The following BMP1 variants were observed in gnomAD, a reference collection of about 807,000 sequenced individuals.
BMP1 encodes mammalian tolloid protein.
A neutral mutation model predicts 116.8 loss-of-function variants in BMP1; 63 were observed. The ratio of observed to expected loss-of-function variants is 0.54; its 90% CI spans 0.44 to 0.67. The LOEUF (loss-of-function observed/expected upper bound fraction) is 0.67. BMP1 is among the 30% of genes least tolerant of loss of function. The pLI, the probability that BMP1 is intolerant of heterozygous loss-of-function variation, is 0.00. For missense variants in BMP1, 1,183 were observed against 1,358.9 expected, an observed-to-expected ratio of 0.87 and a Z score of 2.04; for synonymous variants, 536 against 533.4, an observed-to-expected ratio of 1.00 and a Z score of -0.07.
In BMP1 at chr8:22,179,972, C is replaced by T; in HGVS notation, c.961+143C>T. 1.0e-6 allele frequency: 1 copy of T among 997,716 alleles called. No homozygotes were observed. The highest frequency in any genetic ancestry group is 1.4e-6 in the Non-Finnish European group (1 of 696,596). The allele number at this position is 997,716 out of a possible 1,614,324, so 61.8% of individuals were successfully genotyped here. ...GGGGGAGGGGACCCCATAGGAGGGG[C>T]AGTGTCCAAGTGAAGGAGGCCGCTG... On this transcript the variant is annotated intron_variant, in intron 7 of 19. Transcript: ENST00000306385. The surrounding 1 kb of genome is among the most constrained non-coding windows in gnomAD (Gnocchi z 4.6).
At position 22,196,547 on chromosome 8, in the gene BMP1, C is replaced by T. The variant is rs1829096929; in HGVS notation, c.1766-133C>T. On this transcript the variant is annotated intron_variant, in intron 13 of 19. Transcript: ENST00000306385. ...CTCCTCCCGTCCGCCCCAGAGGGACCAGACACAGGTCCCTGAGCCTTGGGG... is the reference window on the plus strand; with the variant it reads ...CTCCTCCCGTCCGCCCCAGAGGGACTAGACACAGGTCCCTGAGCCTTGGGG... The T allele has an allele frequency of 3.6e-6, 5 of 1,394,304 alleles. No individual in the cohort carries two copies. The Admixed American group carries it at 7.0e-5, about 20-fold the overall frequency. The allele number at this position is 1,394,304 out of a possible 1,614,324, so 86.4% of individuals were successfully genotyped here.
chr8:22,188,184 T>G (rs548611882), intron 8 of BMP1, among the ~76,000 whole-genome samples: 112 of 150,102 alleles, frequency 7.5e-4, no homozygotes, highest in East Asian at 3.5e-3. Flanking sequence ...TGGGTTTTTT[T>G]TTTTTTTTTT....
At chr8:22,207,878 A>T (rs28570028) in intron 18 of BMP1, among the ~76,000 whole-genome samples, 120 of 149,052 alleles carry the variant, frequency 8.1e-4, no homozygotes, top group African/African-American at 3.0e-3. Context: ...TTTTATTTTT[A>T]TTTTTATTTA....
In BMP1 at chr8:22,211,675, C is replaced by T; in HGVS notation, c.2908C>T (p.His970Tyr). ...SDDTITKKGF[H>Y]LRYTSTKFQD... is the part of the protein sequence containing the mutation. ...TGACACCATCACCAAAAAAGGTTTC[C>T]ACCTGCGATACACCAGCACCAAGTT... Residue 970 changes from histidine (H) to tyrosine (Y), a missense_variant, in exon 20 of 20, where the codon CAC (histidine) becomes TAC (tyrosine). Physicochemically the swap from His to Tyr is moderately conservative, Grantham distance 83. This residue lies in a region of BMP1 where 956 missense variants were observed against 1,135.2 expected (regional missense o/e 0.84). Coordinates refer to ENST00000306385, the MANE Select transcript of BMP1 (RefSeq NM_006129.5). The T allele has an allele frequency of 1.9e-6, 3 of 1,614,192 alleles. No homozygotes were observed. Among genetic ancestry groups the T allele is most frequent in the Non-Finnish European group, 2.5e-6 (3 of 1,180,018 alleles).
chr8:22,179,832 C>A lies in BMP1; in HGVS notation c.961+3C>A. On this transcript the variant is annotated splice_donor_region_variant and intron_variant, in intron 7 of 19. Transcript: ENST00000306385. This position sits in a 1 kb window ranked among gnomAD's most constrained non-coding sequence, Gnocchi z 4.6. ...CCGCAAGCTTTACAAGTGCCCAGGT[C>A]AGGGCAGAGAAGGGATGGGTGAGGG... is the stretch of plus-strand genomic sequence containing the variant. 6.2e-7 allele frequency: 1 copy of A among 1,612,598 alleles called. No individual in the cohort carries two copies. The highest frequency in any genetic ancestry group is 1.1e-5 in the South Asian group (1 of 90,886).
chr8:22,196,353 C>T (rs562074559), intron 13 of BMP1: 93 of 589,310 alleles, frequency 1.6e-4, no homozygotes, highest in Non-Finnish European at 2.4e-4. Context: ...CTCCCAGGAC[C>T]GCCCCTCCCT....
In BMP1 at chr8:22,197,235, T is replaced by A; in HGVS notation, c.1927-5T>A. On this transcript the variant is annotated splice_polypyrimidine_tract_variant and splice_region_variant and intron_variant, in intron 14 of 19. Transcript: ENST00000306385. ...AGGCGGGCCTGGAGCTGGGCTTCCC[T>A]GCAGGTGTGCAAGTACGACTTCGTG... is the stretch of plus-strand genomic sequence containing the variant. 1 of 1,606,244 alleles carries A rather than the reference T, an allele frequency of 6.2e-7. No homozygotes were observed. Among genetic ancestry groups the A allele is most frequent in the Non-Finnish European group, 8.5e-7 (1 of 1,173,468 alleles).
chr8:22,176,676 A>G, intron 4 of BMP1, 26 bp downstream of exon 4: 1 of 1,609,730 alleles, frequency 6.2e-7, no homozygotes, highest in Non-Finnish European at 8.5e-7. Context: ...TAGGCGCTGT[A>G]CCTTCCGCCA....
At position 22,173,619 on chromosome 8, in the gene BMP1, A is replaced by G. The variant is rs1828344831; in HGVS notation, c.166A>G (p.Ile56Val). ...CTCTTTAGCTGCCTTTCTTGGGGAC[A>G]TTGCCCTGGACGAAGAGGACCTGAG... Reference protein sequence around the residue: ...PCKAAAFLGDIALDEEDLRAF... With the variant: ...PCKAAAFLGDVALDEEDLRAF... Residue 56 changes from isoleucine (I) to valine (V), a missense_variant, in exon 2 of 20, where the codon ATT becomes GTT. By Grantham distance (29) the Ile-to-Val change is conservative. Coordinates refer to ENST00000306385, the MANE Select transcript of BMP1 (RefSeq NM_006129.5). The G allele has an allele frequency of 6.2e-7, 1 of 1,612,118 alleles. No individual in the cohort carries two copies. Among genetic ancestry groups the G allele is most frequent in the African/African-American group, 1.3e-5 (1 of 74,844 alleles).
chr8:22,183,373 G>A (rs905935847), intron 8 of BMP1, among the ~76,000 whole-genome samples: 2 of 152,096 alleles, frequency 1.3e-5, no homozygotes, highest in East Asian at 3.9e-4. Flanking sequence ...CTATGATTAC[G>A]CCACTACACT....
chr8:22,177,849 C>T lies in BMP1; in HGVS notation c.731-3C>T. 1.2e-6 allele frequency: 2 copies of T among 1,602,540 alleles called. No homozygotes were observed. Among genetic ancestry groups the T allele is most frequent in the Non-Finnish European group, 1.7e-6 (2 of 1,171,294 alleles). On this transcript the variant is annotated splice_region_variant and splice_polypyrimidine_tract_variant and intron_variant, in intron 5 of 19. Coordinates refer to ENST00000306385, the MANE Select transcript of BMP1 (RefSeq NM_006129.5). ...CCCCACACCCTTTTCCTGATCTTGG[C>T]AGGGCAGGAGTATAACTTCCTGAAG...
Position 22,201,829 on chromosome 8 carries a change from G to A in BMP1, c.2134G>A (p.Gly712Ser), listed in dbSNP as rs117159093. ...SDKDECSKDN[G>S]GCQQDCVNTF... is the part of the protein sequence containing the mutation. ...CAAGGACGAGTGCTCCAAGGATAACGGCGGCTGCCAGCAGGACTGCGTCAA... is the reference window on the plus strand; with the variant it reads ...CAAGGACGAGTGCTCCAAGGATAACAGCGGCTGCCAGCAGGACTGCGTCAA... Residue 712 changes from glycine (G) to serine (S), a missense_variant, in exon 16 of 20, where the codon GGC (glycine) becomes AGC (serine). Around this residue, in one of 4 missense-constraint regions of BMP1, gnomAD observed 956 missense variants for 1,135.2 expected, o/e 0.84. Coordinates refer to ENST00000306385, the MANE Select transcript of BMP1 (RefSeq NM_006129.5). The A allele has an allele frequency of 1.1e-3, 1,834 of 1,613,154 alleles. 5 individuals are homozygous for A. The highest frequency in any genetic ancestry group is 1.4e-3 in the Non-Finnish European group (1,691 of 1,179,944).
Position 22,206,877 on chromosome 8 carries a change from T to TC in BMP1, c.2259dup (p.Thr754HisfsTer12), listed in dbSNP as rs757519997. ...AGCCGGCTGTGACCACAAGGTGACA[T>TC]CCACCAGTGGTACCATCACCAGCCC... On this transcript the variant is annotated frameshift_variant, in exon 17 of 20. Transcript: ENST00000306385. LOFTEE classifies it high-confidence loss of function. 6.2e-7 allele frequency: 1 copy of TC among 1,614,146 alleles called. No homozygotes were observed. Among genetic ancestry groups the TC allele is most frequent in the Non-Finnish European group, 8.5e-7 (1 of 1,180,004 alleles).
In BMP1 at chr8:22,195,640, C is replaced by T. The variant is rs1829062176; in HGVS notation, c.1765+53C>T. 5 of 1,569,064 alleles carry T rather than the reference C, an allele frequency of 3.2e-6. No homozygotes were observed. The South Asian group carries it at 4.8e-5, about 15-fold the overall frequency. ...CTGTTCTTTCCCTGGCACCAGCCCA[C>T]CTGCCCAGAATTTTTTTTTTTTTTA... On this transcript the variant is annotated intron_variant, in intron 13 of 19. Coordinates refer to ENST00000306385, the MANE Select transcript of BMP1 (RefSeq NM_006129.5).
At position 22,179,218 on chromosome 8, in the gene BMP1, CT is replaced by C. The variant is rs1489833635; in HGVS notation, c.837-484del. On this transcript the variant is annotated intron_variant, in intron 6 of 19. Coordinates refer to ENST00000306385, the MANE Select transcript of BMP1 (RefSeq NM_006129.5). The surrounding 1 kb of genome is among the most constrained non-coding windows in gnomAD (Gnocchi z 4.6). ...TTGGTCTGGCTGCAGTGGAATCTGC[CT>C]TTGGCCTTGTTCCAGGTGCTTTCAG... Among the ~76,000 whole-genome samples the C allele has an allele frequency of 3.9e-5, 6 of 152,368 alleles. No homozygotes were observed. The highest frequency in any genetic ancestry group is 1.2e-4 in the African/African-American group (5 of 41,590).
Position 22,194,952 on chromosome 8 carries a change from G to T in BMP1, c.1639+33G>T, listed in dbSNP as rs1217545796. On this transcript the variant is annotated intron_variant, in intron 12 of 19. Coordinates refer to ENST00000306385, the MANE Select transcript of BMP1 (RefSeq NM_006129.5). The surrounding 1 kb of genome is among the most constrained non-coding windows in gnomAD (Gnocchi z 4.5). ...CTCTGTTACTCTCCCCTGCCCCAAG[G>T]TGCCTCGTGACCTTCATCCCTTCTT... 2.5e-6 allele frequency: 4 copies of T among 1,569,328 alleles called. No individual in the cohort carries two copies. The East Asian group carries it at 9.0e-5, about 35-fold the overall frequency.
chr8:22,194,811 G>T lies in BMP1; in HGVS notation c.1531G>T (p.Gly511Cys). ...ESSTLIGRYC[G>C]YEKPDDIKST... ...CAGCACCCTCATCGGGCGCTACTGT[G>T]GCTATGAGAAGCCTGATGACATCAA... The change falls in exon 12 of 20, where the codon GGC (glycine) becomes TGC (cysteine). Residue 511 changes from glycine to cysteine, a missense_variant. Physicochemically the swap from Gly to Cys is radical, Grantham distance 159. Around this residue, in one of 4 missense-constraint regions of BMP1, gnomAD observed 956 missense variants for 1,135.2 expected, o/e 0.84. Coordinates refer to ENST00000306385, the MANE Select transcript of BMP1 (RefSeq NM_006129.5). The surrounding 1 kb of genome is among the most constrained non-coding windows in gnomAD (Gnocchi z 4.5). 1.2e-6 allele frequency: 2 copies of T among 1,614,192 alleles called. No individual in the cohort carries two copies. Among genetic ancestry groups the T allele is most frequent in the Non-Finnish European group, 1.7e-6 (2 of 1,180,024 alleles).
chr8:22,171,765 G>A (rs1260690941), intron 1 of BMP1: 1 of 152,160 alleles, frequency 6.6e-6, no homozygotes, highest in Non-Finnish European at 1.5e-5. Context: ...TCTATAAAAT[G>A]GAAGTTTGGC....
At chr8:22,170,335 G>C (rs1186621051) in intron 1 of BMP1, 6 of 152,514 alleles carry the variant, frequency 3.9e-5, no homozygotes. Flanking sequence ...GAGCTTACGG[G>C]TTGTGTTGGG....
Sources: gnomAD v4.1 joint callset for allele counts (sites outside exome capture counted in the v4.1 genomes callset) on GRCh38, gnomAD v4.1.1 for gene constraint, gnomAD v4.1.1 regional missense constraint, Gnocchi (gnomAD v3.1) non-coding constraint, MANE v1.5 for transcripts, NCBI Gene and HGNC (gene_info 2026-07-23, HGNC 2026-07-21) for gene names.